Variants in PCDHA11 observed in about 807,000 individuals in gnomAD.
The protein encoded by PCDHA11 is protocadherin alpha 11.
In PCDHA11, 61 loss-of-function variants were observed where a neutral mutation model predicts 70.3. The observed-to-expected ratio is 0.87, with a 90% confidence interval of 0.71 to 1.07. The LOEUF (loss-of-function observed/expected upper bound fraction) is 1.07, where lower values mean the gene tolerates loss of function less well. Among genes scored for constraint, PCDHA11 ranks in the 50% least tolerant of loss-of-function variants. The pLI, the probability that PCDHA11 is intolerant of heterozygous loss-of-function variation, is 0.00. For missense variants in PCDHA11, 1,324 were observed against 1,237.5 expected, an observed-to-expected ratio of 1.07 and a Z score of -1.05; for synonymous variants, 633 against 555.1, an observed-to-expected ratio of 1.14 and a Z score of -1.97.
At chr5:140,876,343 T>A (rs1196276310) in intron 1 of PCDHA11, 2 of 1,613,854 alleles carry the variant, frequency 1.2e-6, no homozygotes, top group African/African-American at 2.7e-5. Flanking sequence ...GAGTGAGAAA[T>A]GTATGTTTTC....
intron 1 of PCDHA11, chr5:140,884,124 G>C: frequency 6.2e-7 from 1 of 1,613,344 alleles, no homozygotes; most frequent in Non-Finnish European, 8.5e-7. Flanking sequence ...GTCGGCGCGC[G>C]CATCCCGTTC....
At chr5:140,872,054 C>T (rs970445290) in intron 1 of PCDHA11, among the ~76,000 whole-genome samples, 2 of 152,238 alleles carry the variant, frequency 1.3e-5, no homozygotes, top group East Asian at 3.8e-4. Flanking sequence ...CCCACTTCAG[C>T]CTCCAGAGTA....
Position 140,882,762 on chromosome 5 carries a change from A to G in PCDHA11, c.2391+11268A>G, listed in dbSNP as rs2059298878. 1.9e-6 allele frequency: 3 copies of G among 1,614,200 alleles called. No individual in the cohort carries two copies. The East Asian group carries it at 6.7e-5, about 36-fold the overall frequency. On this transcript the variant is annotated intron_variant, in intron 1 of 3. Transcript: ENST00000398640. ...GCATCCGATGCAGATATTGGAGTAA[A>G]CTCGGCATTGACCTACCGACTGGAT... is the stretch of plus-strand genomic sequence containing the variant.
intron 1 of PCDHA11, among the ~76,000 whole-genome samples, chr5:140,953,052 C>T (rs2094839858): frequency 6.6e-6 from 1 of 152,206 alleles, no homozygotes; most frequent in Non-Finnish European, 1.5e-5. Flanking sequence ...ATCCAATCAC[C>T]TCTCACAGGC....
intron 1 of PCDHA11, among the ~76,000 whole-genome samples, chr5:140,961,483 G>A (rs1365864551): frequency 6.6e-6 from 1 of 152,090 alleles, no homozygotes; most frequent in Non-Finnish European, 1.5e-5. Context: ...TCTTGTCCAC[G>A]TGAGTATATT....
chr5:140,976,982 T>G (rs1348911349), intron 1 of PCDHA11, among the ~76,000 whole-genome samples: 1 of 152,240 alleles, frequency 6.6e-6, no homozygotes, highest in African/African-American at 2.4e-5. Flanking sequence ...CTGCCTGATC[T>G]TACTGCCATA....
chr5:140,901,443 T>C (rs1288584501), intron 1 of PCDHA11, among the ~76,000 whole-genome samples: 2 of 152,202 alleles, frequency 1.3e-5, no homozygotes, highest in Non-Finnish European at 2.9e-5. Flanking sequence ...ATATCTAGTT[T>C]CCCAGCACAG....
rs1299546647 is a variant in PCDHA11 at position 140,935,314 on chromosome 5, A to T, written c.2392-43635A>T. 2.0e-5 allele frequency among the ~76,000 whole-genome samples: 3 copies of T among 152,208 alleles called. No homozygotes were observed. In the East Asian group the frequency reaches 5.8e-4, roughly 29 times the overall value. ...TCCGAGGTTTTTACTTAACTTCATC[A>T]ATCTTACATTCCTATTTCTCCCATA... On this transcript the variant is annotated intron_variant, in intron 1 of 3. Transcript: ENST00000398640.
At chr5:140,884,414 C>G in intron 1 of PCDHA11, 2 of 1,614,008 alleles carry the variant, frequency 1.2e-6, no homozygotes, top group Non-Finnish European at 1.7e-6. Context: ...GCTCACGTTG[C>G]TGCTGTATAC....
rs534595431 is a variant in PCDHA11 at position 140,908,278 on chromosome 5, TG to T, written c.2391+36785del. On this transcript the variant is annotated intron_variant, in intron 1 of 3. Coordinates refer to ENST00000398640, the MANE Select transcript of PCDHA11 (RefSeq NM_018902.5). Reference sequence around the variant, plus strand: ...CATAGGGAACTCCCCATGAGGCCATTGTTGCAAGCTGGGGAAGAGAAGGAAG... The same window carrying T: ...CATAGGGAACTCCCCATGAGGCCATTTTGCAAGCTGGGGAAGAGAAGGAAG... Among the ~76,000 whole-genome samples the T allele has an allele frequency of 1.3e-3, 196 of 152,290 alleles. 1 individual carries two copies. Among genetic ancestry groups the T allele is most frequent in the African/African-American group, 4.6e-3 (191 of 41,570 alleles).
rs782194896 is a variant in PCDHA11 at position 140,992,662 on chromosome 5, G to A, written c.2539+10099G>A. Among the ~76,000 whole-genome samples, 4 of 152,160 alleles carry A rather than the reference G, an allele frequency of 2.6e-5. 1 individual carries two copies. The highest frequency in any genetic ancestry group is 5.9e-5 in the Non-Finnish European group (4 of 68,028). ...GAAAATAGAAGAAAGAGCCTGATTGGTGTGTATGTGTGTGTTAGGGGTTGA... is the reference window on the plus strand; with the variant it reads ...GAAAATAGAAGAAAGAGCCTGATTGATGTGTATGTGTGTGTTAGGGGTTGA... On this transcript the variant is annotated intron_variant, in intron 3 of 3. Transcript: ENST00000398640.
chr5:140,916,584 G>T (rs1257440146), intron 1 of PCDHA11, among the ~76,000 whole-genome samples: 1 of 152,186 alleles, frequency 6.6e-6, no homozygotes, highest in Non-Finnish European at 1.5e-5. Flanking sequence ...TGTCATCCAT[G>T]AGCTAGGGCC....
chr5:140,972,391 C>T (rs1554234093), intron 1 of PCDHA11, among the ~76,000 whole-genome samples: 3 of 151,490 alleles, frequency 2.0e-5, no homozygotes, highest in African/African-American at 7.3e-5. Flanking sequence ...TGTTTATTTG[C>T]TTCACTATTG....
intron 1 of PCDHA11, among the ~76,000 whole-genome samples, chr5:140,942,875 C>A (rs1003014974): frequency 2.0e-5 from 3 of 151,896 alleles, no homozygotes; most frequent in African/African-American, 7.3e-5. Flanking sequence ...AGCATGACAA[C>A]TTTTTTCCTA....
At position 140,965,675 on chromosome 5, in the gene PCDHA11, A is replaced by G. The variant is rs1049081993; in HGVS notation, c.2392-13274A>G. ...AAATGTCTTGGGTGATAAATGTAAA[A>G]GATTTGAAGCAAGATTAGAAAAAGC... On this transcript the variant is annotated intron_variant, in intron 1 of 3. Transcript: ENST00000398640. Among the ~76,000 whole-genome samples, 4 of 152,350 alleles carry G rather than the reference A, an allele frequency of 2.6e-5. No homozygotes were observed. The East Asian group carries it at 7.7e-4, about 29-fold the overall frequency.
chr5:140,948,076 A>G (rs1554218436), intron 1 of PCDHA11, among the ~76,000 whole-genome samples: 1 of 151,508 alleles, frequency 6.6e-6, no homozygotes, highest in Non-Finnish European at 1.5e-5. Flanking sequence ...ATTTTCTTTT[A>G]ATCTATTGAT....
chr5:140,928,788 G>A, intron 1 of PCDHA11: 1 of 1,614,214 alleles, frequency 6.2e-7, no homozygotes, highest in South Asian at 1.1e-5. Flanking sequence ...CAGTTAAGCA[G>A]AGGGTGGTGG....
intron 1 of PCDHA11, among the ~76,000 whole-genome samples, chr5:140,944,214 G>T (rs72801002): frequency 0.015 from 2,290 of 152,232 alleles, 30 homozygotes; most frequent in Non-Finnish European, 0.021. Context: ...TTTAAAGAGG[G>T]TTTTACTCTG....
intron 1 of PCDHA11, chr5:140,968,136 T>C (rs1554230395): frequency 1.2e-6 from 2 of 1,614,102 alleles, no homozygotes; most frequent in South Asian, 2.2e-5. Flanking sequence ...ACACTGAAGG[T>C]TGAGATCTCT....
Sources: allele counts gnomAD v4.1 joint callset (sites outside exome capture counted in the v4.1 genomes callset), GRCh38; gene constraint gnomAD v4.1.1; transcripts MANE v1.5; gene names NCBI Gene and HGNC (gene_info 2026-07-23, HGNC 2026-07-21).